SGCG: variants seen among roughly 807,000 people sequenced by gnomAD.
SGCG encodes gamma-sarcoglycan.
Under a neutral mutation model 29.3 loss-of-function variants are expected in SGCG, and 26 were observed. The observed-to-expected ratio is 0.89, with a 90% CI of 0.65 to 1.23. SGCG has a LOEUF of 1.23. SGCG is among the 50% of genes most tolerant of loss of function. The pLI, the probability that SGCG is intolerant of heterozygous loss-of-function variation, is 0.00. For synonymous variants in SGCG, 145 were observed against 129.7 expected (o/e 1.12, Z -0.80); for missense variants, 353 against 356.0 (o/e 0.99, Z 0.07).
intron 1 of SGCG, among the ~76,000 whole-genome samples, chr13:23,190,740 C>A (rs1877214678): frequency 6.6e-6 from 1 of 152,132 alleles, no homozygotes; most frequent in Non-Finnish European, 1.5e-5. Flanking sequence ...AGGAAGACAG[C>A]CAGCAGGTAC....
At chr13:23,280,879 C>T (rs1881281722) in intron 5 of SGCG, among the ~76,000 whole-genome samples, 1 of 152,164 alleles carries the variant, frequency 6.6e-6, no homozygotes, top group African/African-American at 2.4e-5. Flanking sequence ...CAAACCCAAG[C>T]CCTCCTACTC....
chr13:23,277,930 C>T (rs1005445190), intron 4 of SGCG, among the ~76,000 whole-genome samples: 1 of 151,958 alleles, frequency 6.6e-6, no homozygotes, highest in African/African-American at 2.4e-5. Flanking sequence ...GATCTCCTGA[C>T]CTCATGATCC....
intron 4 of SGCG, 73 bp from the exon 5 acceptor site, chr13:23,279,285 TG>T: frequency 7.2e-7 from 1 of 1,381,444 alleles, no homozygotes; most frequent in Non-Finnish European, 1.0e-6. Flanking sequence ...AGGGTTGACG[TG>T]GCATGTGTAA....
At chr13:23,222,554 A>G (rs530390158) in intron 2 of SGCG, among the ~76,000 whole-genome samples, 18 of 152,280 alleles carry the variant, frequency 1.2e-4, no homozygotes, top group Non-Finnish European at 2.4e-4. Context: ...GGCCAGGCGC[A>G]GTGGCTCATG....
Position 23,306,531 on chromosome 13 carries a change from G to A in SGCG, c.578+11044G>A, listed in dbSNP as rs146747719. ...ATTTTTAAATTCCTGTTGTTTTCAT[G>A]GTTTTATACAGCTCATTGATAAAAA... On this transcript the variant is annotated intron_variant, in intron 6 of 7. Coordinates refer to ENST00000218867, the MANE Select transcript of SGCG (RefSeq NM_000231.3). Among the ~76,000 whole-genome samples the A allele has an allele frequency of 2.1e-3, 327 of 152,108 alleles. 3 individuals carry two copies. The highest frequency in any genetic ancestry group is 3.0e-3 in the Non-Finnish European group (203 of 68,000).
chr13:23,243,464 C>G (rs374139995), intron 3 of SGCG: 1 of 152,238 alleles, frequency 6.6e-6, no homozygotes, highest in Non-Finnish European at 1.5e-5. Flanking sequence ...AATTGTGTCC[C>G]GTGGGTACCC....
the SGCG span, among the ~76,000 whole-genome samples, chr13:23,167,876 C>T: frequency 6.6e-5 from 10 of 152,034 alleles, 1 homozygote; most frequent in South Asian, 1.9e-3. Context: ...GGATTACAGG[C>T]GCGTGCCATC....
intron 1 of SGCG, among the ~76,000 whole-genome samples, chr13:23,203,250 C>T (rs1290290768): frequency 5.3e-5 from 8 of 152,314 alleles, no homozygotes; most frequent in African/African-American, 9.6e-5. Context: ...TGAGCCACTG[C>T]GCCTGGCTGC....
intron 4 of SGCG, among the ~76,000 whole-genome samples, chr13:23,254,043 T>C (rs1017731102): frequency 3.9e-5 from 6 of 152,200 alleles, no homozygotes; most frequent in Non-Finnish European, 7.3e-5. Context: ...AGTTATTTCT[T>C]TATAGCAGTG....
intron 5 of SGCG, among the ~76,000 whole-genome samples, chr13:23,291,916 G>A (rs1189927465): frequency 6.6e-6 from 1 of 152,074 alleles, no homozygotes; most frequent in Admixed American, 6.6e-5. Flanking sequence ...CCTTTTTCAA[G>A]AACTGAATTT....
At chr13:23,320,489 A>G in intron 6 of SGCG, 148 bp from the exon 7 acceptor site, 6 of 688,300 alleles carry the variant, frequency 8.7e-6, no homozygotes, top group Non-Finnish European at 1.5e-5. Flanking sequence ...TTATCAATGA[A>G]TAATGCACAA....
At chr13:23,316,438 T>C (rs978761426) in intron 6 of SGCG, among the ~76,000 whole-genome samples, 3 of 152,196 alleles carry the variant, frequency 2.0e-5, no homozygotes, top group Admixed American at 6.6e-5. Context: ...TTCACTGGTC[T>C]TACCATGTTC....
chr13:23,167,160 T>C, the SGCG span, among the ~76,000 whole-genome samples: 1 of 152,226 alleles, frequency 6.6e-6, no homozygotes, highest in Admixed American at 6.5e-5. Flanking sequence ...ATTTGTCTTT[T>C]TGTGCCTGGC....
rs1017891625 is a variant in SGCG, at chr13:23,295,447, G to A, written c.538G>A (p.Glu180Lys). The A allele has an allele frequency of 7.4e-6, 12 of 1,613,968 alleles. No homozygotes were observed. The highest frequency in any genetic ancestry group is 1.0e-5 in the Non-Finnish European group (12 of 1,179,938). Residue 180 changes from glutamate (E) to lysine (K), a missense_variant, in exon 6 of 8, where the codon GAG becomes AAG. Glu to Lys is a moderately conservative substitution (Grantham distance 56). Transcript: ENST00000218867. ...PEGALFEHSV[E>K]TPLVRADPFQ... ...AGGGGCTCTTTTTGAACATTCAGTG[G>A]AGACACCCCTTGTCAGAGCCGACCC... is the stretch of plus-strand genomic sequence containing the variant.
intron 3 of SGCG, 85 bp from the exon 4 acceptor site, chr13:23,250,545 A>G: frequency 1.3e-6 from 1 of 751,822 alleles, no homozygotes; most frequent in Non-Finnish European, 2.4e-6. Flanking sequence ...ATAATTTTAT[A>G]AAAATCCTAA....
intron 6 of SGCG, among the ~76,000 whole-genome samples, chr13:23,297,475 G>C (rs1179826610): frequency 6.7e-6 from 1 of 149,536 alleles, no homozygotes; most frequent in Non-Finnish European, 1.5e-5. Flanking sequence ...TTAACAAAAA[G>C]TATTCCTTAC....
chr13:23,163,939 C>T, the SGCG span, among the ~76,000 whole-genome samples: 1 of 152,092 alleles, frequency 6.6e-6, no homozygotes, highest in Non-Finnish European at 1.5e-5. Context: ...GATTGTGTTA[C>T]ACTTGGGGTT....
At chr13:23,191,352 A>C (rs1404554490) in intron 1 of SGCG, among the ~76,000 whole-genome samples, 1 of 152,166 alleles carries the variant, frequency 6.6e-6, no homozygotes, top group Non-Finnish European at 1.5e-5. Flanking sequence ...CAGTCTGAAG[A>C]AGGAAAGGAA....
chr13:23,170,178 A>C, the SGCG span: 1 of 152,248 alleles, frequency 6.6e-6, no homozygotes, highest in Non-Finnish European at 1.5e-5. Flanking sequence ...CCTGAGTCAC[A>C]TGAAATCCCA....
Sources: gnomAD v4.1 joint callset for allele counts (sites outside exome capture counted in the v4.1 genomes callset) on GRCh38, gnomAD v4.1.1 for gene constraint, MANE v1.5 for transcripts, NCBI Gene and HGNC (gene_info 2026-07-23, HGNC 2026-07-21) for gene names.